MEAF6: variants seen among roughly 807,000 people sequenced by gnomAD.
MEAF6 encodes the protein chromatin modification-related protein MEAF6.
In MEAF6, 15 loss-of-function variants were observed where a neutral mutation model predicts 28.9. That is an observed-to-expected ratio of 0.52 (90% CI 0.35 to 0.80). The LOEUF is 0.80. Ranked by LOEUF, MEAF6 falls within the 30% of genes least tolerant of loss-of-function variation. The pLI is 0.01. For synonymous variants in MEAF6, 97 were observed against 88.7 expected, an observed-to-expected ratio of 1.09 and a Z score of -0.53; for missense variants, 178 against 237.5, an observed-to-expected ratio of 0.75 and a Z score of 1.65.
chr1:37,506,109 A>AAATGGGTTTCAAATACTACT (rs1169270984), intron 4 of MEAF6, among the ~76,000 whole-genome samples: 1 of 152,148 alleles, frequency 6.6e-6, no homozygotes, highest in Non-Finnish European at 1.5e-5. Flanking sequence ...ATTCTCTACT[A>AAATGGGTTTCAAATACTACT]AAAATACAAA....
rs1194534795 is a variant in MEAF6, at chr1:37,492,153, C to T, written c.*1946G>A. On this transcript the variant is annotated 3_prime_UTR_variant, in exon 7 of 7. Coordinates refer to ENST00000296214, the MANE Select transcript of MEAF6 (RefSeq NM_001270875.3). ...ATGCCATTCTCCTGCCTCAGCCTCC[C>T]GAGTAGCTGGGACTACCGGCACCCG... Among the ~76,000 whole-genome samples, 14 of 152,018 alleles carry T rather than the reference C, an allele frequency of 9.2e-5. No homozygotes were observed. The highest frequency in any genetic ancestry group is 3.4e-4 in the African/African-American group (14 of 41,356).
Position 37,501,951 on chromosome 1 carries a change from T to C in MEAF6, c.386A>G (p.His129Arg). The change falls in exon 5 of 7, where the codon CAC becomes CGC. Residue 129 changes from histidine to arginine, a missense_variant. His to Arg is a conservative substitution (Grantham distance 29, BLOSUM62 0). Coordinates refer to ENST00000296214, the MANE Select transcript of MEAF6 (RefSeq NM_001270875.3). ...GTESDTSPDFHNQENEPSQED... is the reference protein window; with the variant it reads ...GTESDTSPDFRNQENEPSQED... ...CTGGCTGGGCTCATTTTCCTGATTG[T>C]GGAAGTCTGGAGAAGTGTCACTTTC... 2 of 1,610,340 alleles carry C rather than the reference T, an allele frequency of 1.2e-6. No homozygotes were observed. The highest frequency in any genetic ancestry group is 1.1e-5 in the South Asian group (1 of 90,798).
chr1:37,499,585 G>T (rs1642230899), intron 5 of MEAF6, among the ~76,000 whole-genome samples: 1 of 152,140 alleles, frequency 6.6e-6, no homozygotes, highest in Admixed American at 6.5e-5. Flanking sequence ...CCTTTCTTGG[G>T]GCAGATGAGT....
Position 37,492,888 on chromosome 1 carries a change from A to G in MEAF6, c.*1211T>C, listed in dbSNP as rs997721602. On this transcript the variant is annotated 3_prime_UTR_variant, in exon 7 of 7. Coordinates refer to ENST00000296214, the MANE Select transcript of MEAF6 (RefSeq NM_001270875.3). ...CAGAATCCCAGGAACTCTTTTAAAG[A>G]AATTCCCAATAACTAGGCTGTACCC... The G allele has an allele frequency of 6.6e-6, 1 of 152,238 alleles. No homozygotes were observed. The highest frequency in any genetic ancestry group is 1.5e-5 in the Non-Finnish European group (1 of 68,046). 9.4% of individuals were successfully genotyped at this position (152,238 alleles called of 1,614,324 possible).
chr1:37,492,437 C>T lies in MEAF6; in HGVS notation c.*1662G>A, dbSNP rs1641966789. 6.6e-6 allele frequency: 1 copy of T among 151,310 alleles called. No homozygotes were observed. The highest frequency in any genetic ancestry group is 1.5e-5 in the Non-Finnish European group (1 of 67,956). The allele number at this position is 151,310 out of a possible 1,614,324, so 9.4% of individuals were successfully genotyped here. A position where few individuals can be genotyped will look rare whatever the true frequency, so the allele number is the denominator to read the frequency against. On this transcript the variant is annotated 3_prime_UTR_variant, in exon 7 of 7. Coordinates refer to ENST00000296214, the MANE Select transcript of MEAF6 (RefSeq NM_001270875.3). Reference sequence around the variant, plus strand: ...AAAGGAGACCAACAGACAAAAAATACAGAATGCTTCTAGGATTTTTTTTTT... The same window carrying T: ...AAAGGAGACCAACAGACAAAAAATATAGAATGCTTCTAGGATTTTTTTTTT...
At chr1:37,497,960 G>A (rs374950184) in intron 5 of MEAF6, among the ~76,000 whole-genome samples, 4 of 152,156 alleles carry the variant, frequency 2.6e-5, no homozygotes, top group Admixed American at 2.6e-4. Context: ...GATCTGGAAG[G>A]AGCAGTACAG....
At position 37,493,685 on chromosome 1, in the gene MEAF6, A is replaced by G. The variant is rs1449921946; in HGVS notation, c.*414T>C. 5 of 997,182 alleles carry G rather than the reference A, an allele frequency of 5.0e-6. No homozygotes were observed. The African/African-American group carries it at 8.2e-5, about 16-fold the overall frequency. 61.8% of individuals were successfully genotyped at this position (997,182 alleles called of 1,614,324 possible). On this transcript the variant is annotated 3_prime_UTR_variant, in exon 7 of 7. Transcript: ENST00000296214. ...ACATAAAACAATATAAGAAAATGCC[A>G]GATATTTACAGCCTCCATCTGAAAT...
chr1:37,495,701 AAAC>A (rs1642104026), intron 6 of MEAF6, among the ~76,000 whole-genome samples, 181 bp downstream of exon 6: 1 of 114,072 alleles, frequency 8.8e-6, no homozygotes, highest in African/African-American at 3.2e-5. Flanking sequence ...AAAAAACAAA[AAAC>A]AAAAAAAAAA....
At chr1:37,502,130 CAGAGAAGATACATGT>C in intron 4 of MEAF6, 134 bp from the exon 5 acceptor site, 2 of 560,034 alleles carry the variant, frequency 3.6e-6, no homozygotes, top group Non-Finnish European at 6.1e-6. Flanking sequence ...TACATGTTGA[CAGAGAAGATACATGT>C]TGACAGAGAA....
intron 6 of MEAF6, among the ~76,000 whole-genome samples, chr1:37,495,386 T>C (rs1642086459): frequency 2.0e-5 from 3 of 149,356 alleles, no homozygotes; most frequent in Non-Finnish European, 4.5e-5. Flanking sequence ...ATAAAGTATG[T>C]GACCTCTTTC....
chr1:37,513,873 A>C, intron 1 of MEAF6: 1 of 378,088 alleles, frequency 2.6e-6, no homozygotes, highest in East Asian at 4.1e-5. Context: ...CACGCACAAA[A>C]GGTATCGCTA....
At chr1:37,505,479 A>AT (rs928851414) in intron 4 of MEAF6, among the ~76,000 whole-genome samples, 9 of 152,126 alleles carry the variant, frequency 5.9e-5, no homozygotes, top group African/African-American at 1.4e-4. Context: ...ACACTGTGAG[A>AT]TTTTTTTGTG....
intron 4 of MEAF6, among the ~76,000 whole-genome samples, chr1:37,509,040 C>T (rs1222765210): frequency 1.3e-5 from 2 of 152,114 alleles, no homozygotes; most frequent in East Asian, 1.9e-4. Flanking sequence ...GAGGCTGCAG[C>T]GAACTATGAT....
chr1:37,514,634 C>T, intron 1 of MEAF6, 23 bp downstream of exon 1: 1 of 1,494,232 alleles, frequency 6.7e-7, no homozygotes, highest in Non-Finnish European at 8.9e-7. Flanking sequence ...CCATGCCGTG[C>T]AACCCCTGTC....
chr1:37,495,202 C>T (rs985621551), intron 6 of MEAF6, among the ~76,000 whole-genome samples: 2 of 151,476 alleles, frequency 1.3e-5, no homozygotes, highest in African/African-American at 2.4e-5. Flanking sequence ...CATGGTGGCA[C>T]GCACTGTAAT....
Position 37,493,644 on chromosome 1 carries a change from A to T in MEAF6, c.*455T>A. On this transcript the variant is annotated 3_prime_UTR_variant, in exon 7 of 7. Transcript: ENST00000296214. Reference sequence around the variant, plus strand: ...CAAAGAAAATAAGATAAAAACAACAAGAGAAAAACAAGAAAACATAAAACA... The same window carrying T: ...CAAAGAAAATAAGATAAAAACAACATGAGAAAAACAAGAAAACATAAAACA... 1.2e-6 allele frequency: 1 copy of T among 843,832 alleles called. No homozygotes were observed. The highest frequency in any genetic ancestry group is 1.9e-6 in the Non-Finnish European group (1 of 528,378). 52.3% of individuals were successfully genotyped at this position (843,832 alleles called of 1,614,324 possible). A position where few individuals can be genotyped will look rare whatever the true frequency, so the allele number is the denominator to read the frequency against.
At chr1:37,509,578 C>T in intron 2 of MEAF6, 36 bp from the exon 3 acceptor site, 2 of 1,571,658 alleles carry the variant, frequency 1.3e-6, no homozygotes, top group Non-Finnish European at 1.7e-6. Context: ...GAGCACCAAG[C>T]TATGTCTATG....
chr1:37,494,343 G>A (rs540012661), intron 6 of MEAF6, among the ~76,000 whole-genome samples: 7 of 151,522 alleles, frequency 4.6e-5, no homozygotes, highest in South Asian at 2.1e-4. Context: ...GTGAAACCCC[G>A]TCTCTACTAA....
intron 4 of MEAF6, among the ~76,000 whole-genome samples, chr1:37,507,442 GAAGT>G (rs1410061538): frequency 7.1e-6 from 1 of 140,788 alleles, no homozygotes; most frequent in East Asian, 2.1e-4. Context: ...TAATTAAAAA[GAAGT>G]AAGATTTAAA....
Sources: allele counts gnomAD v4.1 joint callset (sites outside exome capture counted in the v4.1 genomes callset), GRCh38; gene constraint gnomAD v4.1.1; transcripts MANE v1.5; gene names NCBI Gene and HGNC (gene_info 2026-07-23, HGNC 2026-07-21).